Variants in PIGH observed in about 807,000 individuals in gnomAD.
The protein encoded by PIGH is phosphatidylinositol glycan anchor biosynthesis class H, also known as phosphatidylinositol N-acetylglucosaminyltransferase subunit H.
Under a neutral mutation model 20.1 loss-of-function variants are expected in PIGH, and 11 were observed. The ratio of observed to expected loss-of-function variants is 0.55; its 90% CI spans 0.34 to 0.91. PIGH has a LOEUF of 0.91. PIGH is among the 40% of genes least tolerant of loss of function. The pLI is 0.02. For missense variants in PIGH, 189 were observed against 233.6 expected, an observed-to-expected ratio of 0.81 and a Z score of 1.24; for synonymous variants, 72 against 93.1, an observed-to-expected ratio of 0.77 and a Z score of 1.31.
At chr14:67,597,345 G>C (rs1261773046) in intron 1 of PIGH, among the ~76,000 whole-genome samples, 1 of 152,078 alleles carries the variant, frequency 6.6e-6, no homozygotes, top group African/African-American at 2.4e-5. Flanking sequence ...AGGTGTGGTG[G>C]CACATGCCTG....
intron 1 of PIGH, among the ~76,000 whole-genome samples, chr14:67,595,534 G>C (rs1375208136): frequency 6.6e-6 from 1 of 152,192 alleles, no homozygotes; most frequent in Non-Finnish European, 1.5e-5. Context: ...ACCATGATTG[G>C]TTCCCACTCC....
Position 67,589,847 on chromosome 14 carries a change from G to A in PIGH, c.*233C>T, listed in dbSNP as rs2036315690. 1.2e-5 allele frequency: 15 copies of A among 1,203,880 alleles called. No homozygotes were observed. Among genetic ancestry groups the A allele is most frequent in the Non-Finnish European group, 1.5e-5 (15 of 970,734 alleles). 74.6% of individuals were successfully genotyped at this position (1,203,880 alleles called of 1,614,324 possible). A position where few individuals can be genotyped will look rare whatever the true frequency, so the allele number is the denominator to read the frequency against. On this transcript the variant is annotated 3_prime_UTR_variant, in exon 4 of 4. Coordinates refer to ENST00000216452, the MANE Select transcript of PIGH (RefSeq NM_004569.5). ...TGACATACTGTGTCAAAATTCTTAA[G>A]GTCTCCCCTCCTTTGGTAAAGTAGG... is the stretch of plus-strand genomic sequence containing the variant.
rs2036315890 is a variant in PIGH, at chr14:67,589,855, C to T, written c.*225G>A. The stretch of plus-strand genomic sequence containing the variant: ...TGTGTCAAAATTCTTAAGGTCTCCC[C>T]TCCTTTGGTAAAGTAGGCAAAACCT... On this transcript the variant is annotated 3_prime_UTR_variant, in exon 4 of 4. Transcript: ENST00000216452. The T allele has an allele frequency of 1.7e-6, 2 of 1,211,666 alleles. No homozygotes were observed. Among genetic ancestry groups the T allele is most frequent in the Non-Finnish European group, 2.1e-6 (2 of 975,500 alleles). The allele number at this position is 1,211,666 out of a possible 1,614,324, so 75.1% of individuals were successfully genotyped here.
chr14:67,592,205 C>A, intron 3 of PIGH: 1 of 238,856 alleles, frequency 4.2e-6, no homozygotes, highest in Non-Finnish European at 8.6e-6. Context: ...GAGGCTGAGG[C>A]AGGAGAATTG....
At chr14:67,591,753 G>C (rs889411814) in intron 3 of PIGH, 1 of 151,622 alleles carries the variant, frequency 6.6e-6, no homozygotes, top group Non-Finnish European at 1.5e-5. Flanking sequence ...GGCTGGTCTC[G>C]AACTCCTGAG....
chr14:67,600,254 G>GCCCTCC lies in PIGH; in HGVS notation c.-52_-51insGGAGGG. 1 of 1,443,610 alleles carries GCCCTCC rather than the reference G, an allele frequency of 6.9e-7. No individual in the cohort carries two copies. Among genetic ancestry groups the GCCCTCC allele is most frequent in the Non-Finnish European group, 9.2e-7 (1 of 1,090,872 alleles). The allele number at this position is 1,443,610 out of a possible 1,614,324, so 89.4% of individuals were successfully genotyped here. On this transcript the variant is annotated 5_prime_UTR_variant, in exon 1 of 4. Coordinates refer to ENST00000216452, the MANE Select transcript of PIGH (RefSeq NM_004569.5). ...CGCGCGGCGCTGCACTGCGCTCGCC[G>GCCCTCC]GCCCTGGCCGTCTCGCCCGCTCCAG...
chr14:67,592,707 A>C lies in PIGH; in HGVS notation c.402T>G (p.Ile134Met), dbSNP rs2036397346. The C allele has an allele frequency of 3.1e-6, 5 of 1,594,422 alleles. No homozygotes were observed. In the East Asian group the frequency reaches 1.1e-4, roughly 36 times the overall value. Residue 134 changes from isoleucine to methionine, a missense_variant, in exon 3 of 4, where the codon ATT (isoleucine) becomes ATG (methionine). Transcript: ENST00000216452. ...CTTTCAATAAGATGCAGAGGTAGTA[A>C]ATCACCTTCTGCTGTAAGAAAATAA... ...INEAIYMQKV[I>M]YYLCILLKDP... is the part of the protein sequence containing the mutation.
chr14:67,593,718 T>C, intron 2 of PIGH, 25 bp downstream of exon 2: 1 of 1,467,280 alleles, frequency 6.8e-7, no homozygotes. Context: ...GAGAGGCCTG[T>C]AATACTTACC....
Position 67,589,706 on chromosome 14 carries a change from T to G in PIGH, c.*374A>C, listed in dbSNP as rs980317149. 1.0e-6 allele frequency: 1 copy of G among 999,660 alleles called. No individual in the cohort carries two copies. The highest frequency in any genetic ancestry group is 1.2e-6 in the Non-Finnish European group (1 of 839,040). 61.9% of individuals were successfully genotyped at this position (999,660 alleles called of 1,614,324 possible). On this transcript the variant is annotated 3_prime_UTR_variant, in exon 4 of 4. Transcript: ENST00000216452. ...ACACAAGGGGTACTATTGGAAAATA[T>G]AGCTTTCTCAAGACATCTGATGTCA... is the stretch of plus-strand genomic sequence containing the variant.
At chr14:67,594,747 A>G (rs749207628) in intron 1 of PIGH, among the ~76,000 whole-genome samples, 17 of 152,184 alleles carry the variant, frequency 1.1e-4, no homozygotes, top group Non-Finnish European at 2.2e-4. Flanking sequence ...ATGAAAATGC[A>G]TTTAATATTT....
chr14:67,589,845 A>C lies in PIGH; in HGVS notation c.*235T>G. On this transcript the variant is annotated 3_prime_UTR_variant, in exon 4 of 4. Transcript: ENST00000216452. ...TTTGACATACTGTGTCAAAATTCTT[A>C]AGGTCTCCCCTCCTTTGGTAAAGTA... 8.3e-7 allele frequency: 1 copy of C among 1,201,718 alleles called. No homozygotes were observed. Among genetic ancestry groups the C allele is most frequent in the Non-Finnish European group, 1.0e-6 (1 of 969,328 alleles). The allele number at this position is 1,201,718 out of a possible 1,614,324, so 74.4% of individuals were successfully genotyped here.
chr14:67,592,432 T>C (rs2036390509), intron 3 of PIGH: 3 of 537,426 alleles, frequency 5.6e-6, no homozygotes, highest in African/African-American at 3.9e-5. Context: ...AGTGAGACTC[T>C]GTCTCTAAAA....
At chr14:67,595,287 G>A (rs2036452996) in intron 1 of PIGH, among the ~76,000 whole-genome samples, 1 of 152,184 alleles carries the variant, frequency 6.6e-6, no homozygotes, top group Non-Finnish European at 1.5e-5. Context: ...AACAATGTTT[G>A]TATGGGTACT....
chr14:67,599,922 G>C, intron 1 of PIGH, 102 bp downstream of exon 1: 1 of 957,974 alleles, frequency 1.0e-6, no homozygotes, highest in Non-Finnish European at 1.5e-6. Context: ...TATCACTGTA[G>C]GAGGGGCCGA....
chr14:67,598,990 G>C (rs1272066811), intron 1 of PIGH, among the ~76,000 whole-genome samples: 1 of 152,146 alleles, frequency 6.6e-6, no homozygotes, highest in Non-Finnish European at 1.5e-5. Flanking sequence ...GATTACAGGC[G>C]TGAGGTACAG....
intron 3 of PIGH, among the ~76,000 whole-genome samples, chr14:67,591,229 A>T (rs1566775819): frequency 6.6e-6 from 1 of 152,168 alleles, no homozygotes; most frequent in Non-Finnish European, 1.5e-5. Context: ...TACAAATTTA[A>T]TGCCTTTACC....
At chr14:67,597,859 T>C (rs989980140) in intron 1 of PIGH, among the ~76,000 whole-genome samples, 1 of 151,516 alleles carries the variant, frequency 6.6e-6, no homozygotes, top group East Asian at 1.9e-4. Context: ...GTGACCAATA[T>C]AATTAGTTGA....
chr14:67,590,246 C>CA, intron 3 of PIGH, 74 bp from the exon 4 acceptor site: 4 of 1,022,582 alleles, frequency 3.9e-6, no homozygotes, highest in South Asian at 4.0e-5. Flanking sequence ...CATCCACTTG[C>CA]AAATTTTTTT....
At position 67,589,829 on chromosome 14, in the gene PIGH, C is replaced by T. The variant is rs2036314989; in HGVS notation, c.*251G>A. 1 of 1,182,110 alleles carries T rather than the reference C, an allele frequency of 8.5e-7. No individual in the cohort carries two copies. Among genetic ancestry groups the T allele is most frequent in the Non-Finnish European group, 1.0e-6 (1 of 956,864 alleles). 73.2% of individuals were successfully genotyped at this position (1,182,110 alleles called of 1,614,324 possible). On this transcript the variant is annotated 3_prime_UTR_variant, in exon 4 of 4. Transcript: ENST00000216452. ...CTTTGCTGACATTACTTTTGACATA[C>T]TGTGTCAAAATTCTTAAGGTCTCCC...
Sources: allele counts gnomAD v4.1 joint callset (sites outside exome capture counted in the v4.1 genomes callset), GRCh38; gene constraint gnomAD v4.1.1; transcripts MANE v1.5; gene names NCBI Gene and HGNC (gene_info 2026-07-23, HGNC 2026-07-21).